JARID2: variants seen among roughly 807,000 people sequenced by gnomAD.
JARID2 encodes jumonji and AT-rich interaction domain containing 2.
A neutral mutation model predicts 125.6 loss-of-function variants in JARID2; 21 were observed. That is an observed-to-expected ratio of 0.17 (90% CI 0.12 to 0.24). The LOEUF is 0.24. Ranked by LOEUF, JARID2 falls within the 10% of genes least tolerant of loss-of-function variation. JARID2 has a pLI of 1.00. For missense variants in JARID2, 1,303 were observed against 1,639.6 expected (o/e 0.79, Z 3.55); for synonymous variants, 736 against 661.6 (o/e 1.11, Z -1.73).
chr6:15,511,919 C>T lies in JARID2; in HGVS notation c.2953-289C>T, dbSNP rs370207548. ...TGGCTCTGGAGATGAGCCCGGCAGCCTCCTGGTTGTGTAACCTTGTCCTGT... is the reference window on the plus strand; with the variant it reads ...TGGCTCTGGAGATGAGCCCGGCAGCTTCCTGGTTGTGTAACCTTGTCCTGT... On this transcript the variant is annotated intron_variant, in intron 13 of 17. Coordinates refer to ENST00000341776, the MANE Select transcript of JARID2 (RefSeq NM_004973.4). 9.8e-5 allele frequency among the ~76,000 whole-genome samples: 15 copies of T among 152,298 alleles called. No homozygotes were observed. In the East Asian group the frequency reaches 2.1e-3, roughly 22 times the overall value.
chr6:15,365,698 C>A (rs995231817), intron 1 of JARID2, among the ~76,000 whole-genome samples: 4 of 151,812 alleles, frequency 2.6e-5, no homozygotes, highest in Non-Finnish European at 5.9e-5. Context: ...GTAAAACTCT[C>A]CTTGCAGAAG....
chr6:15,407,748 T>C (rs1765709952), intron 2 of JARID2, among the ~76,000 whole-genome samples: 1 of 152,218 alleles, frequency 6.6e-6, no homozygotes, highest in Admixed American at 6.5e-5. Flanking sequence ...GGCTCACTCA[T>C]TATCCTCTCC....
At chr6:15,344,426 C>G (rs1460985116) in intron 1 of JARID2, among the ~76,000 whole-genome samples, 3 of 151,896 alleles carry the variant, frequency 2.0e-5, no homozygotes, top group Non-Finnish European at 4.4e-5. Flanking sequence ...AAAAACGTGA[C>G]TGAGAGTCCT....
Position 15,496,802 on chromosome 6 carries a change from C to A in JARID2, c.1577C>A (p.Ser526Tyr), listed in dbSNP as rs778974432. ...KADSASCENR[S>Y]TSQPESVHKP... Reference sequence around the variant, plus strand: ...GACAGCGCCTCCTGTGAAAATCGTTCTACCTCGCAACCGGAGTCCGTGCAC... The same window carrying A: ...GACAGCGCCTCCTGTGAAAATCGTTATACCTCGCAACCGGAGTCCGTGCAC... The change falls in exon 7 of 18, where the codon TCT becomes TAT. Residue 526 changes from serine (S) to tyrosine (Y), a missense_variant. This residue lies in a region of JARID2 where 651 missense variants were observed against 581.6 expected (regional missense o/e 1.12). Coordinates refer to ENST00000341776, the MANE Select transcript of JARID2 (RefSeq NM_004973.4). 6.2e-7 allele frequency: 1 copy of A among 1,608,836 alleles called. No homozygotes were observed. Among genetic ancestry groups the A allele is most frequent in the Non-Finnish European group, 8.5e-7 (1 of 1,177,176 alleles).
intron 1 of JARID2, among the ~76,000 whole-genome samples, chr6:15,318,247 AT>A: frequency 6.6e-6 from 1 of 152,196 alleles, no homozygotes; most frequent in Non-Finnish European, 1.5e-5. Flanking sequence ...GGACTTCTCC[AT>A]TTGTATTTAA....
At chr6:15,337,492 T>C (rs553530109) in intron 1 of JARID2, among the ~76,000 whole-genome samples, 206 of 151,604 alleles carry the variant, frequency 1.4e-3, no homozygotes, top group African/African-American at 4.5e-3. Flanking sequence ...ATGGGGGAGG[T>C]GGGTGGTAGA....
intron 8 of JARID2, among the ~76,000 whole-genome samples, 179 bp from the exon 9 acceptor site, chr6:15,504,321 C>T (rs1343561510): frequency 6.6e-6 from 1 of 152,244 alleles, no homozygotes; most frequent in Non-Finnish European, 1.5e-5. Context: ...CTCCTCTTGG[C>T]ACTGCGGGTT....
At chr6:15,310,595 T>G (rs1439742265) in intron 1 of JARID2, among the ~76,000 whole-genome samples, 1 of 152,196 alleles carries the variant, frequency 6.6e-6, no homozygotes, top group Non-Finnish European at 1.5e-5. Flanking sequence ...CCTCTGGATT[T>G]CTTGCTGGGT....
rs1441172648 is a variant in JARID2 at position 15,496,147 on chromosome 6, G to A, written c.922G>A (p.Gly308Arg). 5.0e-6 allele frequency: 8 copies of A among 1,611,762 alleles called. No homozygotes were observed. Among genetic ancestry groups the A allele is most frequent in the African/African-American group, 1.3e-5 (1 of 74,940 alleles). ...TGCTCCACAGGTTTCTAAGGTAAAC[G>A]GAGTCACTCGAATGTCATCTCTGGG... ...DLRKQVSKVN[G>R]VTRMSSLGAG... Residue 308 changes from glycine to arginine, a missense_variant, in exon 7 of 18, where the codon GGA (glycine) becomes AGA (arginine). By Grantham distance (125) the Gly-to-Arg change is moderately radical. Coordinates refer to ENST00000341776, the MANE Select transcript of JARID2 (RefSeq NM_004973.4).
intron 5 of JARID2, among the ~76,000 whole-genome samples, chr6:15,470,041 GT>G (rs1176237290): frequency 3.3e-5 from 5 of 152,050 alleles, no homozygotes; most frequent in Non-Finnish European, 7.4e-5. Context: ...GCCGGGCATG[GT>G]GGTGTGCTGC....
rs1023082826 is a variant in JARID2, at chr6:15,428,831, G to A, written c.323+18466G>A. Among the ~76,000 whole-genome samples, 2 of 151,676 alleles carry A rather than the reference G, an allele frequency of 1.3e-5. 1 individual carries two copies. Among genetic ancestry groups the A allele is most frequent in the South Asian group, 4.2e-4 (2 of 4,802 alleles). ...TGAGGCAGGAGAATCGCTGGAACCCGGGAGGTAGAGGCCGCAGTGAGTTGA... is the reference window on the plus strand; with the variant it reads ...TGAGGCAGGAGAATCGCTGGAACCCAGGAGGTAGAGGCCGCAGTGAGTTGA... On this transcript the variant is annotated intron_variant, in intron 3 of 17. Coordinates refer to ENST00000341776, the MANE Select transcript of JARID2 (RefSeq NM_004973.4).
chr6:15,508,925 G>A (rs1324147317), intron 12 of JARID2: 1 of 1,282,000 alleles, frequency 7.8e-7, no homozygotes, highest in African/African-American at 1.5e-5. Context: ...TCTAGTAACT[G>A]AATATAAACC....
At position 15,455,147 on chromosome 6, in the gene JARID2, T is replaced by G. The variant is rs138497552; in HGVS notation, c.493+2972T>G. On this transcript the variant is annotated intron_variant, in intron 4 of 17. Transcript: ENST00000341776. ...GTTTGAGGCTGCAGTGAGACATGAT[T>G]GTGCCTCAGCACTGCTGCCTTGGCA... Among the ~76,000 whole-genome samples, 1,118 of 150,994 alleles carry G rather than the reference T, an allele frequency of 7.4e-3. 18 individuals are homozygous for G. Among genetic ancestry groups the G allele is most frequent in the African/African-American group, 0.026 (1,061 of 41,028 alleles).
chr6:15,449,427 C>G (rs1018539288), intron 3 of JARID2, among the ~76,000 whole-genome samples: 7 of 151,896 alleles, frequency 4.6e-5, no homozygotes, highest in African/African-American at 1.7e-4. Context: ...AGGAGATAGG[C>G]TTGAGGCCAG....
At chr6:15,251,690 A>T (rs112641422) in intron 1 of JARID2, among the ~76,000 whole-genome samples, 4 of 152,276 alleles carry the variant, frequency 2.6e-5, no homozygotes, top group Middle Eastern at 3.4e-3. Context: ...ACCTTGAAAC[A>T]GTGTGAAAAA....
At position 15,454,012 on chromosome 6, in the gene JARID2, G is replaced by A. The variant is rs902162773; in HGVS notation, c.493+1837G>A. Among the ~76,000 whole-genome samples the A allele has an allele frequency of 4.6e-5, 7 of 152,156 alleles. No individual in the cohort carries two copies. The South Asian group carries it at 8.3e-4, about 18-fold the overall frequency. On this transcript the variant is annotated intron_variant, in intron 4 of 17. Transcript: ENST00000341776. ...GTTGCATGTTTATAAGGGTCTATCCGAAGTTCTGTGTATATTAAAATCCGT... is the reference window on the plus strand; with the variant it reads ...GTTGCATGTTTATAAGGGTCTATCCAAAGTTCTGTGTATATTAAAATCCGT...
chr6:15,507,873 C>G (rs1771085649), intron 11 of JARID2, among the ~76,000 whole-genome samples: 1 of 152,220 alleles, frequency 6.6e-6, no homozygotes, highest in African/African-American at 2.4e-5. Flanking sequence ...GGCTAGGAAC[C>G]TGTCCGGGTC....
intron 2 of JARID2, among the ~76,000 whole-genome samples, chr6:15,394,990 C>T (rs906686474): frequency 2.0e-5 from 3 of 150,378 alleles, no homozygotes; most frequent in Non-Finnish European, 4.4e-5. Context: ...GTCAAAGAAG[C>T]GACAAAATAA....
intron 5 of JARID2, among the ~76,000 whole-genome samples, chr6:15,480,212 T>C (rs1473145863): frequency 6.6e-6 from 1 of 152,222 alleles, no homozygotes; most frequent in African/African-American, 2.4e-5. Flanking sequence ...AGAAGGTATT[T>C]TAATTTGGGG....
Sources: allele counts gnomAD v4.1 joint callset (sites outside exome capture counted in the v4.1 genomes callset), GRCh38; gene constraint gnomAD v4.1.1; regional missense constraint gnomAD v4.1.1; transcripts MANE v1.5; gene names NCBI Gene and HGNC (gene_info 2026-07-23, HGNC 2026-07-21).